MIS18A: variants seen among roughly 807,000 people sequenced by gnomAD.
MIS18A encodes the protein MIS18 kinetochore protein A.
A neutral mutation model predicts 25.0 loss-of-function variants in MIS18A; 14 were observed. That is an observed-to-expected ratio of 0.56 (90% CI 0.37 to 0.88). MIS18A has a LOEUF of 0.88. Among genes scored for constraint, MIS18A ranks in the 40% least tolerant of loss-of-function variants. The pLI, the probability that MIS18A is intolerant of heterozygous loss-of-function variation, is 0.00. For missense variants in MIS18A, 292 were observed against 290.8 expected (o/e 1.00, Z -0.03); for synonymous variants, 134 against 118.6 (o/e 1.13, Z -0.84).
In MIS18A at chr21:32,268,951, T is replaced by TTTTGAGACGAC; in HGVS notation, c.*85_*86insGTCGTCTCAAA. 1.0e-6 allele frequency: 1 copy of TTTTGAGACGAC among 984,234 alleles called. No individual in the cohort carries two copies. 61.0% of individuals were successfully genotyped at this position (984,234 alleles called of 1,614,324 possible). A position where few individuals can be genotyped will look rare whatever the true frequency, so the allele number is the denominator to read the frequency against. On this transcript the variant is annotated 3_prime_UTR_variant, in exon 5 of 5. Transcript: ENST00000290130. ...CTAATTTTTTTTTTCTTTTTTTTTT[T>TTTTGAGACGAC]GTAGAGACGACGTCTCACTATGTTG...
the MIS18A span, among the ~76,000 whole-genome samples, chr21:32,178,333 T>C: frequency 6.6e-6 from 1 of 152,230 alleles, no homozygotes; most frequent in East Asian, 1.9e-4. Context: ...TTAGACATTA[T>C]TGCTGTCGTT....
chr21:32,260,071 C>G, the MIS18A span: 1 of 90,708 alleles, frequency 1.1e-5, no homozygotes, highest in Non-Finnish European at 2.1e-5. Flanking sequence ...TTTGGTGGAA[C>G]CATTTTTCTC....
At chr21:32,191,828 C>G in the MIS18A span, among the ~76,000 whole-genome samples, 1 of 152,028 alleles carries the variant, frequency 6.6e-6, no homozygotes, top group South Asian at 2.1e-4. Context: ...TCGCTTCAAC[C>G]CGGGAGGTGG....
the MIS18A span, among the ~76,000 whole-genome samples, chr21:32,175,781 G>T: frequency 6.6e-6 from 1 of 151,534 alleles, no homozygotes; most frequent in African/African-American, 2.4e-5. Flanking sequence ...TTGCACTCCA[G>T]CCCAGGTGAT....
the MIS18A span, among the ~76,000 whole-genome samples, chr21:32,203,025 C>G: frequency 6.6e-6 from 1 of 151,974 alleles, no homozygotes; most frequent in African/African-American, 2.4e-5. Context: ...TATGGTAATT[C>G]TATTTTTAAA....
At position 32,278,998 on chromosome 21, in the gene MIS18A, G is replaced by T; in HGVS notation, c.17C>A (p.Ser6Ter). 6.2e-7 allele frequency: 1 copy of T among 1,600,128 alleles called. No individual in the cohort carries two copies. The highest frequency in any genetic ancestry group is 8.5e-7 in the Non-Finnish European group (1 of 1,173,826). ...AGCGCATCCTCTGCTACACCTCAGT[G>T]ACCGAACGCCTGCCATTACCTACAA... MAGVR[S>*]LRCSRGCAGG... Residue 6 changes from serine (S) to a stop codon, truncating the protein, a stop_gained, in exon 1 of 5, where the codon TCA becomes TAA. Transcript: ENST00000290130. LOFTEE classifies it high-confidence loss of function.
the MIS18A span, among the ~76,000 whole-genome samples, chr21:32,241,824 ATTC>A: frequency 6.6e-6 from 1 of 152,242 alleles, no homozygotes; most frequent in East Asian, 1.9e-4. Context: ...ACTCAAAGAA[ATTC>A]TTCTGTGTTG....
chr21:32,218,846 C>A, the MIS18A span, among the ~76,000 whole-genome samples: 1 of 152,048 alleles, frequency 6.6e-6, no homozygotes, highest in Non-Finnish European at 1.5e-5. Context: ...TAGTGGATCA[C>A]CTGATGTCAG....
chr21:32,189,894 G>A, the MIS18A span, among the ~76,000 whole-genome samples: 3 of 152,174 alleles, frequency 2.0e-5, no homozygotes, highest in Admixed American at 6.5e-5. Flanking sequence ...CTGGAGCAAC[G>A]TCTTTTCCTG....
At chr21:32,184,058 C>T in the MIS18A span, among the ~76,000 whole-genome samples, 5 of 152,210 alleles carry the variant, frequency 3.3e-5, no homozygotes, top group Non-Finnish European at 5.9e-5. Flanking sequence ...TCTGTCTACA[C>T]CCATTCAGCC....
downstream of MIS18A, among the ~76,000 whole-genome samples, chr21:32,265,595 G>A (rs555429720): frequency 8.5e-5 from 13 of 152,216 alleles, no homozygotes; most frequent in South Asian, 1.0e-3. Context: ...CCTGCAGCCC[G>A]CCATGCCTGA....
At chr21:32,194,367 A>C in the MIS18A span, among the ~76,000 whole-genome samples, 1 of 152,136 alleles carries the variant, frequency 6.6e-6, no homozygotes. Context: ...AGATAGATAG[A>C]TATAGATATA....
chr21:32,272,256 G>A (rs2031727862), intron 2 of MIS18A, among the ~76,000 whole-genome samples: 1 of 152,216 alleles, frequency 6.6e-6, no homozygotes, highest in Non-Finnish European at 1.5e-5. Context: ...AGACTTAACA[G>A]AGAAAACAGC....
downstream of MIS18A, among the ~76,000 whole-genome samples, chr21:32,263,658 T>C (rs866834124): frequency 6.6e-6 from 1 of 152,272 alleles, no homozygotes; most frequent in African/African-American, 2.4e-5. Flanking sequence ...ATGAGTTTCA[T>C]TTTAGACGTA....
chr21:32,182,939 G>C, the MIS18A span, among the ~76,000 whole-genome samples: 8 of 152,158 alleles, frequency 5.3e-5, no homozygotes, highest in African/African-American at 1.9e-4. Context: ...TTCTTGAAGG[G>C]GAAGCTCCAA....
At chr21:32,176,783 C>T in the MIS18A span, among the ~76,000 whole-genome samples, 1 of 143,310 alleles carries the variant, frequency 7.0e-6, no homozygotes, top group Non-Finnish European at 1.5e-5. Context: ...CAAGGCAAAA[C>T]TTGATTCTTC....
intron 4 of MIS18A, 91 bp downstream of exon 4, chr21:32,269,616 A>G (rs1340726411): frequency 1.3e-6 from 1 of 747,102 alleles, no homozygotes; most frequent in Non-Finnish European, 2.3e-6. Flanking sequence ...ATCAACACAG[A>G]TGACGTTATG....
downstream of MIS18A, among the ~76,000 whole-genome samples, chr21:32,265,259 GCA>G (rs2123458192): frequency 1.3e-5 from 2 of 152,330 alleles, 1 homozygote; most frequent in South Asian, 4.1e-4. Context: ...GCCCCCCACT[GCA>G]CTGTGGGAGC....
At chr21:32,265,968 C>T (rs1017621675), downstream of MIS18A, among the ~76,000 whole-genome samples, 3 of 152,094 alleles carry the variant, frequency 2.0e-5, no homozygotes, top group Non-Finnish European at 4.4e-5. Flanking sequence ...ATTGTAAATA[C>T]ACCAATCAGC....
Sources: allele counts gnomAD v4.1 joint callset (sites outside exome capture counted in the v4.1 genomes callset), GRCh38; gene constraint gnomAD v4.1.1; transcripts MANE v1.5; gene names NCBI Gene and HGNC (gene_info 2026-07-23, HGNC 2026-07-21).